Variants in FHIP1A observed in about 807,000 individuals in gnomAD.
FHIP1A encodes FHF complex subunit HOOK-interacting protein 1A.
In FHIP1A, 61 loss-of-function variants were observed where a neutral mutation model predicts 88.6. The ratio of observed to expected loss-of-function variants is 0.69; its 90% CI spans 0.56 to 0.85. The LOEUF is 0.85. Among genes scored for constraint, FHIP1A ranks in the 40% least tolerant of loss-of-function variants. The pLI is 0.00. For missense variants in FHIP1A, 1,154 were observed against 1,273.5 expected (o/e 0.91, Z 1.43); for synonymous variants, 478 against 496.0 (o/e 0.96, Z 0.48).
chr4:151,589,017 AT>A, intron 7 of FHIP1A, 91 bp downstream of exon 7: 1 of 885,722 alleles, frequency 1.1e-6, no homozygotes. Flanking sequence ...TTTGATGGTG[AT>A]TTTAGCCTGA....
At chr4:151,415,517 T>G (rs747255563) in intron 1 of FHIP1A, among the ~76,000 whole-genome samples, 1 of 152,194 alleles carries the variant, frequency 6.6e-6, no homozygotes, top group Non-Finnish European at 1.5e-5. Flanking sequence ...TGTTGGGAAT[T>G]TGGATTGTTT....
intron 7 of FHIP1A, among the ~76,000 whole-genome samples, chr4:151,592,373 A>G (rs1374864517): frequency 6.6e-6 from 1 of 152,094 alleles, no homozygotes; most frequent in Non-Finnish European, 1.5e-5. Context: ...TGACCTTGTG[A>G]TCCACCCGCC....
intron 5 of FHIP1A, among the ~76,000 whole-genome samples, chr4:151,583,977 G>C (rs149976591): frequency 6.6e-6 from 1 of 151,836 alleles, no homozygotes; most frequent in African/African-American, 2.4e-5. Context: ...TGTATTTTCC[G>C]TACTTAACAT....
intron 3 of FHIP1A, among the ~76,000 whole-genome samples, chr4:151,556,474 A>G (rs1732950666): frequency 6.6e-6 from 1 of 152,124 alleles, no homozygotes; most frequent in East Asian, 1.9e-4. Flanking sequence ...ATCTGTCTTT[A>G]ATTTTACTTG....
At chr4:151,501,636 T>C (rs1436200462) in intron 3 of FHIP1A, among the ~76,000 whole-genome samples, 2 of 151,942 alleles carry the variant, frequency 1.3e-5, no homozygotes, top group African/African-American at 4.8e-5. Context: ...TAAAGTGTTA[T>C]CTCATGGTTT....
At chr4:151,522,640 C>G (rs937462632) in intron 3 of FHIP1A, among the ~76,000 whole-genome samples, 1 of 152,300 alleles carries the variant, frequency 6.6e-6, no homozygotes, top group East Asian at 1.9e-4. Context: ...AAACAAAACC[C>G]AAAACCATCA....
In FHIP1A at chr4:151,548,956, C is replaced by T. The variant is rs192510331; in HGVS notation, c.-122-17182C>T. Among the ~76,000 whole-genome samples the T allele has an allele frequency of 3.3e-3, 503 of 152,276 alleles. 1 individual carries two copies. The highest frequency in any genetic ancestry group is 6.8e-3 in the Middle Eastern group (2 of 294). ...AGATGGAACAATGGTGAGAGCACAC[C>T]TGGACAGGGGAGGGGCAGGAGTTCT... On this transcript the variant is annotated intron_variant, in intron 3 of 13. Coordinates refer to ENST00000435205, the MANE Select transcript of FHIP1A (RefSeq NM_001109977.3).
intron 5 of FHIP1A, among the ~76,000 whole-genome samples, chr4:151,585,764 A>G (rs1007036613): frequency 1.3e-5 from 2 of 152,216 alleles, no homozygotes; most frequent in Admixed American, 1.3e-4. Context: ...TTCTTACCCC[A>G]CTTACCAAGC....
chr4:151,427,545 C>T (rs1733429337), intron 1 of FHIP1A, among the ~76,000 whole-genome samples: 1 of 152,002 alleles, frequency 6.6e-6, no homozygotes, highest in Non-Finnish European at 1.5e-5. Context: ...TAAAATTAGA[C>T]TTTTTGTGGT....
chr4:151,412,580 T>TTCCTTTCC (rs1199098736), intron 1 of FHIP1A, among the ~76,000 whole-genome samples: 1 of 113,358 alleles, frequency 8.8e-6, no homozygotes, highest in Non-Finnish European at 1.9e-5. Context: ...CTTTCTTTCC[T>TTCCTTTCC]TTCTTTCCTT....
At chr4:151,440,701 CT>C (rs945471880) in intron 1 of FHIP1A, among the ~76,000 whole-genome samples, 13 of 152,112 alleles carry the variant, frequency 8.5e-5, no homozygotes, top group Non-Finnish European at 1.5e-4. Flanking sequence ...TCTCAGAGAA[CT>C]GGGGGTAACT....
chr4:151,418,018 A>G (rs1732959996), intron 1 of FHIP1A, among the ~76,000 whole-genome samples: 1 of 151,812 alleles, frequency 6.6e-6, no homozygotes, highest in South Asian at 2.1e-4. Flanking sequence ...CAATAACAAC[A>G]AAAAATTAGG....
intron 7 of FHIP1A, among the ~76,000 whole-genome samples, chr4:151,597,796 A>T (rs1242119792): frequency 6.6e-6 from 1 of 152,162 alleles, no homozygotes; most frequent in African/African-American, 2.4e-5. Context: ...GGCTCTGTCC[A>T]GTTCGAACTT....
At chr4:151,494,889 T>C (rs183281759) in intron 3 of FHIP1A, among the ~76,000 whole-genome samples, 5 of 152,346 alleles carry the variant, frequency 3.3e-5, no homozygotes, top group African/African-American at 9.6e-5. Flanking sequence ...ATTGTAGAGA[T>C]GTTTCACCTT....
chr4:151,571,116 A>G (rs555264013), intron 4 of FHIP1A, among the ~76,000 whole-genome samples: 16 of 152,322 alleles, frequency 1.1e-4, no homozygotes, highest in Admixed American at 1.3e-4. Context: ...TGATGGCACA[A>G]TTGTACTTTC....
chr4:151,411,105 G>A (rs914289159), intron 1 of FHIP1A, among the ~76,000 whole-genome samples: 2 of 152,180 alleles, frequency 1.3e-5, no homozygotes, highest in Non-Finnish European at 2.9e-5. Context: ...TGGAGGACTT[G>A]AAGACTAGAA....
At chr4:151,449,684 C>T (rs2709840) in intron 1 of FHIP1A, among the ~76,000 whole-genome samples, 53,418 of 151,760 alleles carry the variant, frequency 0.35, 9,994 homozygotes, top group Non-Finnish European at 0.43. Context: ...CCATCCTCCC[C>T]TCTCCCATCC....
rs960106332 is a variant in FHIP1A at position 151,664,013 on chromosome 4, G to A, written c.*1259G>A. Reference sequence around the variant, plus strand: ...GCCATGTTAAACCACCACCAAGAGGGGAAAACAGAATAATTGTGAGCTGAA... The same window carrying A: ...GCCATGTTAAACCACCACCAAGAGGAGAAAACAGAATAATTGTGAGCTGAA... On this transcript the variant is annotated 3_prime_UTR_variant, in exon 14 of 14. Coordinates refer to ENST00000435205, the MANE Select transcript of FHIP1A (RefSeq NM_001109977.3). Among the ~76,000 whole-genome samples, 3 of 152,120 alleles carry A rather than the reference G, an allele frequency of 2.0e-5. No individual in the cohort carries two copies. Among genetic ancestry groups the A allele is most frequent in the Non-Finnish European group, 4.4e-5 (3 of 68,016 alleles).
rs1366201230 is a variant in FHIP1A, at chr4:151,666,103, G to A, written c.*3349G>A. 3.9e-5 allele frequency among the ~76,000 whole-genome samples: 6 copies of A among 152,256 alleles called. No homozygotes were observed. The highest frequency in any genetic ancestry group is 7.3e-5 in the Non-Finnish European group (5 of 68,032). ...CTTCTGTGGTTCAAAATATATGAGA[G>A]CACTGGGATATTTAAAATTGATTTT... On this transcript the variant is annotated 3_prime_UTR_variant, in exon 14 of 14. Coordinates refer to ENST00000435205, the MANE Select transcript of FHIP1A (RefSeq NM_001109977.3).
Sources: gnomAD v4.1 joint callset for allele counts (sites outside exome capture counted in the v4.1 genomes callset) on GRCh38, gnomAD v4.1.1 for gene constraint, MANE v1.5 for transcripts, NCBI Gene and HGNC (gene_info 2026-07-23, HGNC 2026-07-21) for gene names.